Variants in LPP observed in about 807,000 individuals in gnomAD.
The protein encoded by LPP is lipoma-preferred partner.
In LPP, 38 loss-of-function variants were observed where a neutral mutation model predicts 60.4. The observed-to-expected ratio is 0.63, with a 90% confidence interval of 0.49 to 0.83. LPP has a LOEUF of 0.83. LPP is among the 40% of genes least tolerant of loss of function. The pLI, the probability that LPP is intolerant of heterozygous loss-of-function variation, is 0.00. For missense variants in LPP, 902 were observed against 783.6 expected (o/e 1.15, Z -1.80); for synonymous variants, 328 against 290.8 (o/e 1.13, Z -1.30).
intron 5 of LPP, among the ~76,000 whole-genome samples, chr3:188,495,755 CT>C (rs1206146695): frequency 6.6e-6 from 1 of 152,138 alleles, no homozygotes; most frequent in African/African-American, 2.4e-5. Context: ...GCCCACAAAT[CT>C]TTCGGTTCTT....
At chr3:188,796,426 A>G (rs188039586) in intron 9 of LPP, among the ~76,000 whole-genome samples, 240 of 152,190 alleles carry the variant, frequency 1.6e-3, no homozygotes, top group Non-Finnish European at 3.0e-3. Flanking sequence ...CCATTTTATT[A>G]TTTTATACCA....
chr3:188,689,049 G>GTGTA (rs1483689768), intron 7 of LPP, among the ~76,000 whole-genome samples: 3 of 152,214 alleles, frequency 2.0e-5, no homozygotes, highest in Non-Finnish European at 4.4e-5. Flanking sequence ...CAGGAGCTCT[G>GTGTA]TGTATGCTAT....
chr3:188,361,976 C>T (rs1769565322), intron 3 of LPP, among the ~76,000 whole-genome samples: 1 of 152,148 alleles, frequency 6.6e-6, no homozygotes, highest in Admixed American at 6.5e-5. Flanking sequence ...TCCTTTCCTC[C>T]CAGAGTTCAC....
At chr3:188,568,202 T>C (rs1832646764) in intron 6 of LPP, 1 of 152,034 alleles carries the variant, frequency 6.6e-6, no homozygotes, top group Non-Finnish European at 1.5e-5. Context: ...TTTATTTTTA[T>C]GAAATTTCAG....
At position 188,877,374 on chromosome 3, in the gene LPP, T is replaced by C. The variant is rs1391165734; in HGVS notation, c.*2895T>C. 15 of 182,100 alleles carry C rather than the reference T, an allele frequency of 8.2e-5. No individual in the cohort carries two copies. In the East Asian group the frequency reaches 1.4e-3, roughly 16 times the overall value. The allele number at this position is 182,100 out of a possible 1,614,324, so 11.3% of individuals were successfully genotyped here. On this transcript the variant is annotated 3_prime_UTR_variant, in exon 12 of 12. Transcript: ENST00000617246. Reference sequence around the variant, plus strand: ...GTAAAAATATACTGATTTTGAAAAGTATCAGGAATATAAATATTTGGTAAT... The same window carrying C: ...GTAAAAATATACTGATTTTGAAAAGCATCAGGAATATAAATATTTGGTAAT...
At chr3:188,799,895 A>G (rs947338015) in intron 9 of LPP, among the ~76,000 whole-genome samples, 1 of 151,842 alleles carries the variant, frequency 6.6e-6, no homozygotes, top group African/African-American at 2.4e-5. Flanking sequence ...AGTGTTTTCA[A>G]CTCCTCTCTC....
At position 188,881,254 on chromosome 3, in the gene LPP, G is replaced by T. The variant is rs1769981319; in HGVS notation, c.*6775G>T. 1 of 186,456 alleles carries T rather than the reference G, an allele frequency of 5.4e-6. No homozygotes were observed. Among genetic ancestry groups the T allele is most frequent in the African/African-American group, 2.3e-5 (1 of 42,684 alleles). 11.6% of individuals were successfully genotyped at this position (186,456 alleles called of 1,614,324 possible). On this transcript the variant is annotated 3_prime_UTR_variant, in exon 12 of 12. Coordinates refer to ENST00000617246, the MANE Select transcript of LPP (RefSeq NM_001375462.1). ...TCTTAGTCCTGGCCAGTATGTAGTT[G>T]CGCTCACATACGTCTATTCTAGCTC...
intron 6 of LPP, among the ~76,000 whole-genome samples, chr3:188,592,551 G>GTTTTGTTTTTTTTTTTTTTT (rs1838991693): frequency 4.1e-5 from 4 of 98,214 alleles, no homozygotes; most frequent in East Asian, 3.2e-4. Flanking sequence ...TTTTAGTTTT[G>GTTTTGTTTTTTTTTTTTTTT]TTTTTGTTTT....
intron 6 of LPP, among the ~76,000 whole-genome samples, chr3:188,551,523 A>G (rs1579883491): frequency 6.6e-6 from 1 of 152,372 alleles, no homozygotes; most frequent in Middle Eastern, 3.4e-3. Context: ...ACTAAGAGAT[A>G]TAGGGAACAA....
At chr3:188,856,133 A>G (rs772466750) in intron 9 of LPP, among the ~76,000 whole-genome samples, 14 of 152,198 alleles carry the variant, frequency 9.2e-5, no homozygotes, top group Non-Finnish European at 1.6e-4. Flanking sequence ...GGACCTTGCC[A>G]AGTATAACTG....
At chr3:188,374,231 C>G (rs990539543) in intron 3 of LPP, among the ~76,000 whole-genome samples, 2 of 151,984 alleles carry the variant, frequency 1.3e-5, no homozygotes, top group African/African-American at 4.8e-5. Context: ...GTAGTTTTTT[C>G]CAATTCTGTG....
chr3:188,550,785 G>A (rs4263284), intron 6 of LPP, among the ~76,000 whole-genome samples: 1 of 151,708 alleles, frequency 6.6e-6, no homozygotes, highest in African/African-American at 2.4e-5. Context: ...GTTTAAAAAG[G>A]TTGCAGCCCT....
intron 4 of LPP, among the ~76,000 whole-genome samples, chr3:188,453,523 T>C (rs1439595380): frequency 6.6e-6 from 1 of 152,022 alleles, no homozygotes; most frequent in Non-Finnish European, 1.5e-5. Flanking sequence ...CGGGATCTGC[T>C]TGTCTCACCT....
chr3:188,322,925 A>T (rs1305415109), intron 2 of LPP, among the ~76,000 whole-genome samples: 1 of 152,168 alleles, frequency 6.6e-6, no homozygotes, highest in East Asian at 1.9e-4. Context: ...TGTATGTCTT[A>T]TGGTTTTGCT....
At chr3:188,473,823 A>G (rs1802466480) in intron 4 of LPP, among the ~76,000 whole-genome samples, 1 of 152,182 alleles carries the variant, frequency 6.6e-6, no homozygotes, top group Non-Finnish European at 1.5e-5. Flanking sequence ...CTTTTATTGG[A>G]GAAGATCAAT....
intron 6 of LPP, among the ~76,000 whole-genome samples, chr3:188,575,792 G>A (rs1834480568): frequency 6.6e-6 from 1 of 152,232 alleles, no homozygotes; most frequent in East Asian, 1.9e-4. Context: ...ATTGAAGCAT[G>A]CTGAGAAATG....
chr3:188,609,780 G>C lies in LPP; in HGVS notation c.1049G>C (p.Gly350Ala), dbSNP rs776842166. The change falls in exon 7 of 12, where the codon GGT (glycine) becomes GCT (alanine). Residue 350 changes from glycine (G) to alanine (A), a missense_variant. Gly to Ala is a moderately conservative substitution (Grantham distance 60). Coordinates refer to ENST00000617246, the MANE Select transcript of LPP (RefSeq NM_001375462.1). This position sits in a 1 kb window ranked among gnomAD's most constrained non-coding sequence, Gnocchi z 6.9. ...QNPPGMYPVTGPKKTYITDPV... is the reference protein window; with the variant it reads ...QNPPGMYPVTAPKKTYITDPV... ...CCTCCTGGGATGTATCCAGTCACTG[G>C]TCCCAAGAAGACCTATATCACAGAT... 6.2e-7 allele frequency: 1 copy of C among 1,613,988 alleles called. No individual in the cohort carries two copies. Among genetic ancestry groups the C allele is most frequent in the Non-Finnish European group, 8.5e-7 (1 of 1,179,994 alleles).
intron 9 of LPP, among the ~76,000 whole-genome samples, chr3:188,828,974 T>C (rs1356663922): frequency 2.6e-5 from 4 of 152,182 alleles, no homozygotes; most frequent in African/African-American, 9.7e-5. Flanking sequence ...AAAATATCTA[T>C]AGTTTTGTCG....
intron 2 of LPP, among the ~76,000 whole-genome samples, chr3:188,260,264 A>G (rs1269785611): frequency 6.6e-6 from 1 of 152,068 alleles, no homozygotes; most frequent in African/African-American, 2.4e-5. Context: ...ACTGGTCTTG[A>G]ACTCTTGACC....
Sources: allele counts gnomAD v4.1 joint callset (sites outside exome capture counted in the v4.1 genomes callset), GRCh38; gene constraint gnomAD v4.1.1; non-coding constraint Gnocchi (gnomAD v3.1); transcripts MANE v1.5; gene names NCBI Gene and HGNC (gene_info 2026-07-23, HGNC 2026-07-21).